Variants in ZNF615 observed in about 807,000 individuals in gnomAD.
ZNF615 encodes the protein zinc finger protein 615.
In ZNF615, 15 loss-of-function variants were observed where a neutral mutation model predicts 15.3. The observed-to-expected ratio is 0.98, with a 90% CI of 0.66 to 1.51. The LOEUF is 1.51. Ranked by LOEUF, ZNF615 falls within the 40% of genes most tolerant of loss-of-function variation. The pLI, the probability that ZNF615 is intolerant of heterozygous loss-of-function variation, is 0.00. For synonymous variants in ZNF615, 268 were observed against 294.6 expected (o/e 0.91, Z 0.92); for missense variants, 848 against 895.9 (o/e 0.95, Z 0.68).
chr19:52,006,849 A>G (rs747757093), intron 2 of ZNF615, among the ~76,000 whole-genome samples: 20 of 152,178 alleles, frequency 1.3e-4, no homozygotes, highest in Non-Finnish European at 1.9e-4. Context: ...ATATTGTAAT[A>G]CTAAGAATTA....
At chr19:52,006,777 T>G (rs1281567560) in intron 2 of ZNF615, among the ~76,000 whole-genome samples, 1 of 152,208 alleles carries the variant, frequency 6.6e-6, no homozygotes, top group Non-Finnish European at 1.5e-5. Flanking sequence ...ACATTAAACT[T>G]CTTTCAATAT....
intron 3 of ZNF615, chr19:52,002,504 G>C: frequency 1.5e-6 from 1 of 646,358 alleles, no homozygotes; most frequent in Middle Eastern, 2.5e-4. Context: ...GTAATACACA[G>C]CTATCCAATC....
At chr19:51,995,229 T>C (rs1467911236) in intron 6 of ZNF615, among the ~76,000 whole-genome samples, 1 of 152,190 alleles carries the variant, frequency 6.6e-6, no homozygotes, top group Non-Finnish European at 1.5e-5. Context: ...ATAAATATCC[T>C]TCATTTCTTA....
Position 51,993,930 on chromosome 19 carries a change from G to A in ZNF615, c.1179C>T (p.Thr393=), listed in dbSNP as rs2086332693. The change falls in exon 7 of 7, where the codon ACC becomes ACT. Residue 393 remains threonine (T), a synonymous_variant. Transcript: ENST00000598071. The part of the protein sequence containing the change: ...FICNKCGKGF[T]LKNSLITHQQ... ...GATGTGTGATAAGACTGTTCTTCAAGGTGAAGCCTTTCCCACATTTATTGC... is the reference window on the plus strand; with the variant it reads ...GATGTGTGATAAGACTGTTCTTCAAAGTGAAGCCTTTCCCACATTTATTGC... 5.0e-6 allele frequency: 8 copies of A among 1,613,806 alleles called. No individual in the cohort carries two copies. The highest frequency in any genetic ancestry group is 6.8e-6 in the Non-Finnish European group (8 of 1,179,958).
Position 52,003,873 on chromosome 19 carries a change from G to A in ZNF615, c.-162C>T, listed in dbSNP as rs1422020182. The A allele has an allele frequency of 2.8e-6, 4 of 1,449,612 alleles. No homozygotes were observed. In the African/African-American group the frequency reaches 5.7e-5, roughly 21 times the overall value. 89.8% of individuals were successfully genotyped at this position (1,449,612 alleles called of 1,614,324 possible). On this transcript the variant is annotated 5_prime_UTR_variant, in exon 3 of 7. It introduces an in-frame stop codon into an upstream open reading frame of the 5' UTR. Transcript: ENST00000598071. ...GAAACTCCGCCTCCTTCCTTCACTT[G>A]ATTTCTCTTGTTCTCAGCACCTGTG...
chr19:51,994,932 C>A (rs2086375065), intron 6 of ZNF615, 95 bp from the exon 7 acceptor site: 1 of 1,171,962 alleles, frequency 8.5e-7, no homozygotes, highest in African/African-American at 1.6e-5. Context: ...TGAGGTGACT[C>A]TTTAGTGAAA....
At chr19:52,002,111 A>G (rs1421403663) in intron 4 of ZNF615, 44 bp downstream of exon 4, 1 of 1,614,186 alleles carries the variant, frequency 6.2e-7, no homozygotes. Context: ...AAGGAAGGCC[A>G]CTGACTGGGC....
At chr19:51,995,228 C>T (rs1193999920) in intron 6 of ZNF615, among the ~76,000 whole-genome samples, 1 of 152,078 alleles carries the variant, frequency 6.6e-6, no homozygotes, top group Non-Finnish European at 1.5e-5. Context: ...TATAAATATC[C>T]TTCATTTCTT....
At chr19:51,996,372 C>T (rs1297063509) in intron 6 of ZNF615, among the ~76,000 whole-genome samples, 2 of 84,476 alleles carry the variant, frequency 2.4e-5, no homozygotes, top group Non-Finnish European at 4.2e-5. Context: ...GGTGACACAG[C>T]AAGACTCTGT....
chr19:51,996,156 A>G (rs2086419850), intron 6 of ZNF615, among the ~76,000 whole-genome samples: 1 of 152,050 alleles, frequency 6.6e-6, no homozygotes, highest in Admixed American at 6.5e-5. Flanking sequence ...TTGGGAGGAC[A>G]AAGCGGGTAG....
intron 5 of ZNF615, among the ~76,000 whole-genome samples, chr19:52,001,488 C>T (rs571049742): frequency 1.5e-4 from 22 of 151,688 alleles, no homozygotes; most frequent in East Asian, 1.4e-3. Flanking sequence ...CGTGGTGGTA[C>T]GCACCTGTAG....
rs1172310589 is a variant in ZNF615 at position 51,996,385 on chromosome 19, C to CAAAAAAAAAAAAAAAAAAAAA, written c.272-1569_272-1549dup. 3.9e-4 allele frequency among the ~76,000 whole-genome samples: 13 copies of CAAAAAAAAAAAAAAAAAAAAA among 33,312 alleles called. 1 individual carries two copies. Among genetic ancestry groups the CAAAAAAAAAAAAAAAAAAAAA allele is most frequent in the Non-Finnish European group, 5.5e-4 (10 of 18,124 alleles). The allele number at this position is 33,312 out of a possible 152,430, so 21.9% of individuals were successfully genotyped here. ...GGGGTGACACAGCAAGACTCTGTCT[C>CAAAAAAAAAAAAAAAAAAAAA]AAAAAAAAAAAAAAAAAAAAAAACG... On this transcript the variant is annotated intron_variant, in intron 6 of 6. Coordinates refer to ENST00000598071, the MANE Select transcript of ZNF615 (RefSeq NM_001199324.2).
intron 2 of ZNF615, among the ~76,000 whole-genome samples, chr19:52,004,204 A>G (rs2086684840): frequency 6.6e-6 from 1 of 152,134 alleles, no homozygotes; most frequent in South Asian, 2.1e-4. Flanking sequence ...CAGTTTTAGG[A>G]AAGAGGTCAC....
At chr19:52,006,497 G>A (rs1213610552) in intron 2 of ZNF615, among the ~76,000 whole-genome samples, 3 of 152,016 alleles carry the variant, frequency 2.0e-5, no homozygotes, top group East Asian at 3.9e-4. Context: ...ACTTTATACC[G>A]AACCAAAATT....
intron 6 of ZNF615, among the ~76,000 whole-genome samples, chr19:51,999,835 T>A (rs2086539986): frequency 6.6e-6 from 1 of 152,172 alleles, no homozygotes; most frequent in East Asian, 1.9e-4. Flanking sequence ...TATCTTAAAG[T>A]AGAGAACTTT....
intron 1 of ZNF615, 93 bp from the exon 2 acceptor site, chr19:52,007,423 T>C (rs2086784458): frequency 1.4e-6 from 1 of 719,646 alleles, no homozygotes; most frequent in Admixed American, 3.2e-5. Context: ...CTTTTAGGTA[T>C]GCTAGATGAC....
At position 52,001,838 on chromosome 19, in the gene ZNF615, A is replaced by G. The variant is rs755687072; in HGVS notation, c.213T>C (p.Asp71=). 21 of 1,613,964 alleles carry G rather than the reference A, an allele frequency of 1.3e-5. No homozygotes were observed. The South Asian group carries it at 1.9e-4, about 14-fold the overall frequency. The change falls in exon 5 of 7, where the codon GAT becomes GAC. Residue 71 remains aspartate, a synonymous_variant. Transcript: ENST00000598071. ...CAGAACAGATTCGAGAGTAGATTTC[A>G]TCTTCTGTTGTGCAAGTTTCTTCTC... The part of the protein sequence containing the change: ...ERGEETCTTE[D]EIYSRICSDS...
Position 51,992,711 on chromosome 19 carries a change from C to T in ZNF615, c.*169G>A, listed in dbSNP as rs2086268257. 4.7e-6 allele frequency: 4 copies of T among 847,172 alleles called. No individual in the cohort carries two copies. Among genetic ancestry groups the T allele is most frequent in the Admixed American group, 2.5e-5 (1 of 39,596 alleles). The allele number at this position is 847,172 out of a possible 1,614,324, so 52.5% of individuals were successfully genotyped here. A position where few individuals can be genotyped will look rare whatever the true frequency, so the allele number is the denominator to read the frequency against. ...TTTTTCTCAGTATACAATTTTTAGA[C>T]ATAATGTCCTAAAATATTTTCTCAA... On this transcript the variant is annotated 3_prime_UTR_variant, in exon 7 of 7. Transcript: ENST00000598071.
At chr19:52,000,023 C>T (rs972414454) in intron 6 of ZNF615, 1 of 228,974 alleles carries the variant, frequency 4.4e-6, no homozygotes, top group Non-Finnish European at 8.4e-6. Context: ...ATATATACAC[C>T]ATGGAATACT....
Sources: allele counts gnomAD v4.1 joint callset (sites outside exome capture counted in the v4.1 genomes callset), GRCh38; gene constraint gnomAD v4.1.1; transcripts MANE v1.5; gene names NCBI Gene and HGNC (gene_info 2026-07-23, HGNC 2026-07-21).